The following DNM3 variants were observed in gnomAD, a reference collection of about 807,000 sequenced individuals.
DNM3 encodes the protein dynamin 3.
A neutral mutation model predicts 101.6 loss-of-function variants in DNM3; 47 were observed. The ratio of observed to expected loss-of-function variants is 0.46; its 90% CI spans 0.37 to 0.59. The LOEUF is 0.59. Among genes scored for constraint, DNM3 ranks in the 20% least tolerant of loss-of-function variants. The pLI is 0.00. For missense variants in DNM3, 849 were observed against 1,085.7 expected (o/e 0.78, Z 3.06); for synonymous variants, 385 against 387.9 (o/e 0.99, Z 0.09).
intron 16 of DNM3, among the ~76,000 whole-genome samples, chr1:172,321,423 A>G (rs1171099967): frequency 6.6e-6 from 1 of 152,222 alleles, no homozygotes; most frequent in African/African-American, 2.4e-5. Context: ...TTTTTCTTCA[A>G]TGAAGTGCTT....
At chr1:172,043,620 G>C (rs2049556787) in intron 8 of DNM3, among the ~76,000 whole-genome samples, 1 of 152,134 alleles carries the variant, frequency 6.6e-6, no homozygotes, top group African/African-American at 2.4e-5. Context: ...GAAGAGGTAG[G>C]CTACAGGAGG....
intron 2 of DNM3, among the ~76,000 whole-genome samples, chr1:171,925,353 G>T (rs957993412): frequency 6.6e-6 from 1 of 151,824 alleles, no homozygotes; most frequent in African/African-American, 2.4e-5. Flanking sequence ...TCAGCCTCCC[G>T]AGTAGCTGGG....
chr1:171,986,538 C>T (rs2125610306), intron 2 of DNM3, among the ~76,000 whole-genome samples: 1 of 152,144 alleles, frequency 6.6e-6, no homozygotes, highest in South Asian at 2.1e-4. Context: ...CAATAGCTCT[C>T]TTGCTATTGA....
intron 14 of DNM3, among the ~76,000 whole-genome samples, chr1:172,174,821 T>C (rs1420117697): frequency 6.6e-6 from 1 of 151,714 alleles, no homozygotes; most frequent in South Asian, 2.1e-4. Flanking sequence ...TGAGGGAAAC[T>C]ACAATAGGAA....
At chr1:172,188,501 C>T (rs909354169) in intron 14 of DNM3, among the ~76,000 whole-genome samples, 6 of 152,050 alleles carry the variant, frequency 3.9e-5, no homozygotes, top group African/African-American at 1.4e-4. Context: ...ATCTGCCCCT[C>T]TTGTCACTGT....
intron 1 of DNM3, among the ~76,000 whole-genome samples, chr1:171,895,237 A>C (rs892140747): frequency 1.3e-5 from 2 of 152,192 alleles, no homozygotes; most frequent in Non-Finnish European, 2.9e-5. Context: ...GGTTGAACTA[A>C]TGTACACTCC....
In DNM3 at chr1:171,858,103, G is replaced by T. The variant is rs74538733; in HGVS notation, c.161+16286G>T. ...TAAGTGACCCAGCATGTGGTATTTTGTTATGGTAGCCTGAGCAGACTAATA... is the reference window on the plus strand; with the variant it reads ...TAAGTGACCCAGCATGTGGTATTTTTTTATGGTAGCCTGAGCAGACTAATA... On this transcript the variant is annotated intron_variant, in intron 1 of 20. Coordinates refer to ENST00000627582, the MANE Select transcript of DNM3 (RefSeq NM_015569.5). 5.3e-5 allele frequency among the ~76,000 whole-genome samples: 8 copies of T among 152,258 alleles called. No homozygotes were observed. The East Asian group carries it at 1.5e-3, about 29-fold the overall frequency.
intron 15 of DNM3, among the ~76,000 whole-genome samples, chr1:172,270,087 C>G (rs149163729): frequency 6.6e-6 from 1 of 152,000 alleles, no homozygotes; most frequent in African/African-American, 2.4e-5. Flanking sequence ...GTAGAATAAA[C>G]ATAAAAAGTC....
intron 4 of DNM3, 101 bp from the exon 5 acceptor site, chr1:172,032,301 G>A: frequency 1.2e-6 from 1 of 862,698 alleles, no homozygotes; most frequent in Non-Finnish European, 1.9e-6. Context: ...AATGGGAAAA[G>A]GACCAGGAAA....
chr1:172,023,763 T>C (rs1174026509), intron 4 of DNM3, among the ~76,000 whole-genome samples: 1 of 152,200 alleles, frequency 6.6e-6, no homozygotes, highest in African/African-American at 2.4e-5. Context: ...CCCCAAACTG[T>C]TTCTGTTTGA....
intron 14 of DNM3, among the ~76,000 whole-genome samples, chr1:172,196,141 G>A (rs941450712): frequency 1.3e-5 from 2 of 151,670 alleles, no homozygotes; most frequent in African/African-American, 4.8e-5. Context: ...CCACCGATAA[G>A]TGAGAACATA....
chr1:171,995,852 G>T (rs1329447617), intron 4 of DNM3, among the ~76,000 whole-genome samples: 2 of 151,986 alleles, frequency 1.3e-5, no homozygotes, highest in Admixed American at 1.3e-4. Flanking sequence ...TATCCACCAA[G>T]GTACATAATT....
At position 171,841,713 on chromosome 1, in the gene DNM3, G is replaced by C; in HGVS notation, c.57G>C (p.Ala19=). 6.2e-7 allele frequency: 1 copy of C among 1,611,766 alleles called. No individual in the cohort carries two copies. The highest frequency in any genetic ancestry group is 8.5e-7 in the Non-Finnish European group (1 of 1,179,376). ...LIPLVNRLQD[A]FSALGQSCLL... ...CGCTGGTGAACCGTCTGCAGGACGCGTTTTCGGCGCTGGGACAGAGCTGCC... is the reference window on the plus strand; with the variant it reads ...CGCTGGTGAACCGTCTGCAGGACGCCTTTTCGGCGCTGGGACAGAGCTGCC... The change falls in exon 1 of 21, where the codon GCG becomes GCC. Residue 19 remains alanine (A), a synonymous_variant. Transcript: ENST00000627582.
rs1462487692 is a variant in DNM3, at chr1:172,410,641, T to C, written c.*2800T>C. 2.0e-6 allele frequency: 2 copies of C among 985,220 alleles called. No individual in the cohort carries two copies. Among genetic ancestry groups the C allele is most frequent in the Non-Finnish European group, 1.2e-6 (1 of 829,842 alleles). 61.0% of individuals were successfully genotyped at this position (985,220 alleles called of 1,614,324 possible). A position where few individuals can be genotyped will look rare whatever the true frequency, so the allele number is the denominator to read the frequency against. ...TCTAAAAAACATCTACCAAGGTTAC[T>C]CGTCTGAATATTGCTTTTAGCCGTG... On this transcript the variant is annotated 3_prime_UTR_variant, in exon 21 of 21. Transcript: ENST00000627582.
intron 2 of DNM3, among the ~76,000 whole-genome samples, chr1:171,953,055 G>A (rs953613193): frequency 6.6e-6 from 1 of 152,090 alleles, no homozygotes; most frequent in African/African-American, 2.4e-5. Context: ...TTGGAAGGAA[G>A]GACTTCAAAA....
intron 1 of DNM3, among the ~76,000 whole-genome samples, chr1:171,862,142 T>C (rs907853111): frequency 2.0e-5 from 3 of 152,154 alleles, no homozygotes; most frequent in Admixed American, 6.5e-5. Flanking sequence ...AGTGTCAGAT[T>C]GTACAGACAC....
At chr1:172,299,863 T>G (rs1302026685) in intron 15 of DNM3, among the ~76,000 whole-genome samples, 2 of 152,216 alleles carry the variant, frequency 1.3e-5, no homozygotes, top group African/African-American at 4.8e-5. Flanking sequence ...ATGTGTGTTT[T>G]TGGCAGAACA....
At chr1:171,920,540 T>C (rs2040075158) in intron 1 of DNM3, among the ~76,000 whole-genome samples, 1 of 152,218 alleles carries the variant, frequency 6.6e-6, no homozygotes, top group South Asian at 2.1e-4. Context: ...CTGATGGGCC[T>C]GGAACCACAT....
chr1:172,284,517 G>A (rs148812739), intron 15 of DNM3, among the ~76,000 whole-genome samples: 1 of 152,006 alleles, frequency 6.6e-6, no homozygotes, highest in African/African-American at 2.4e-5. Flanking sequence ...TCTGTTCATC[G>A]CTATGTACCC....
Sources: gnomAD v4.1 joint callset for allele counts (sites outside exome capture counted in the v4.1 genomes callset) on GRCh38, gnomAD v4.1.1 for gene constraint, MANE v1.5 for transcripts, NCBI Gene and HGNC (gene_info 2026-07-23, HGNC 2026-07-21) for gene names.